SEC14L1: variants seen among roughly 807,000 people sequenced by gnomAD.
SEC14L1 encodes SEC14 like lipid binding 1.
In SEC14L1, 48 loss-of-function variants were observed where a neutral mutation model predicts 85.3. The ratio of observed to expected loss-of-function variants is 0.56; its 90% CI spans 0.45 to 0.72. SEC14L1 has a LOEUF of 0.72. Among genes scored for constraint, SEC14L1 ranks in the 30% least tolerant of loss-of-function variants. The pLI, the probability that SEC14L1 is intolerant of heterozygous loss-of-function variation, is 0.00. For synonymous variants in SEC14L1, 391 were observed against 355.5 expected (o/e 1.10, Z -1.12); for missense variants, 682 against 921.4 (o/e 0.74, Z 3.36).
intron 7 of SEC14L1, among the ~76,000 whole-genome samples, chr17:77,195,563 G>C (rs924017601): frequency 1.3e-5 from 2 of 152,056 alleles, no homozygotes; most frequent in African/African-American, 4.8e-5. Flanking sequence ...TCTCGGCTCA[G>C]TGCAGCCTTC....
intron 3 of SEC14L1, chr17:77,185,143 A>G (rs1209649446): frequency 2.3e-6 from 2 of 854,732 alleles, no homozygotes; most frequent in South Asian, 5.3e-5. Context: ...TTTTTTGGAC[A>G]AGGACTTTGT....
intron 3 of SEC14L1, among the ~76,000 whole-genome samples, chr17:77,122,009 C>T (rs576021021): frequency 6.6e-6 from 1 of 152,296 alleles, no homozygotes; most frequent in Non-Finnish European, 1.5e-5. Context: ...TCAGCAGCAG[C>T]CCACACACTG....
chr17:77,143,785 C>A, intron 3 of SEC14L1, 126 bp downstream of exon 3: 1 of 677,600 alleles, frequency 1.5e-6, no homozygotes, highest in South Asian at 1.9e-5. Flanking sequence ...TGTTTTTATG[C>A]TTATGAACCG....
At chr17:77,136,067 C>CG (rs1567885348), upstream of SEC14L1, among the ~76,000 whole-genome samples, 1 of 151,576 alleles carries the variant, frequency 6.6e-6, no homozygotes, top group Non-Finnish European at 1.5e-5. Context: ...TTAGTAGAGA[C>CG]GGGTTTCATG....
intron 2 of SEC14L1, among the ~76,000 whole-genome samples, chr17:77,090,934 C>T (rs1383210878): frequency 7.0e-6 from 1 of 142,110 alleles, no homozygotes; most frequent in Non-Finnish European, 1.6e-5. Flanking sequence ...GGTGCCACTG[C>T]AGTCCATCCT....
chr17:77,129,481 G>A (rs1001451150), intron 3 of SEC14L1, among the ~76,000 whole-genome samples: 5 of 152,146 alleles, frequency 3.3e-5, no homozygotes, highest in Non-Finnish European at 7.4e-5. Context: ...ACCTTCCCGG[G>A]CAGGGCTGTA....
chr17:77,115,822 C>A (rs920889035), intron 3 of SEC14L1, among the ~76,000 whole-genome samples: 4 of 151,964 alleles, frequency 2.6e-5, no homozygotes, highest in African/African-American at 9.7e-5. Flanking sequence ...CAGGATGAAG[C>A]AAGAAGACCT....
intron 3 of SEC14L1, among the ~76,000 whole-genome samples, chr17:77,164,212 C>G (rs1248666292): frequency 6.6e-6 from 1 of 152,204 alleles, no homozygotes; most frequent in Non-Finnish European, 1.5e-5. Context: ...CCCGAGCAGG[C>G]AGAGCGCCTG....
chr17:77,102,676 G>T (rs954655635), intron 3 of SEC14L1, among the ~76,000 whole-genome samples: 1 of 151,898 alleles, frequency 6.6e-6, no homozygotes, highest in Non-Finnish European at 1.5e-5. Flanking sequence ...GCTAATTTTT[G>T]TATTTTTAGT....
At chr17:77,136,067 C>T (rs561245681), upstream of SEC14L1, among the ~76,000 whole-genome samples, 5 of 151,694 alleles carry the variant, frequency 3.3e-5, no homozygotes, top group South Asian at 2.1e-4. Flanking sequence ...TTAGTAGAGA[C>T]GGGTTTCATG....
intron 3 of SEC14L1, among the ~76,000 whole-genome samples, chr17:77,122,585 G>A (rs969239398): frequency 6.6e-6 from 1 of 152,222 alleles, no homozygotes; most frequent in Admixed American, 6.5e-5. Flanking sequence ...GGGATTACAG[G>A]CATGAAGCAC....
chr17:77,205,833 G>A (rs1224929715), intron 11 of SEC14L1, among the ~76,000 whole-genome samples: 1 of 152,176 alleles, frequency 6.6e-6, no homozygotes. Context: ...CTCTCTCTCT[G>A]TTGAAGCATA....
At chr17:77,203,500 G>A in intron 9 of SEC14L1, 70 bp from the exon 10 acceptor site, 1 of 1,321,138 alleles carries the variant, frequency 7.6e-7, no homozygotes, top group Non-Finnish European at 1.1e-6. Flanking sequence ...TCCTGTTAAG[G>A]GTCTTAGAGT....
At chr17:77,165,183 A>G (rs780883676) in intron 3 of SEC14L1, among the ~76,000 whole-genome samples, 2 of 152,196 alleles carry the variant, frequency 1.3e-5, no homozygotes, top group African/African-American at 2.4e-5. Context: ...TAGCTAATCA[A>G]TGAATTAGAT....
chr17:77,103,324 G>A (rs1274699481), intron 3 of SEC14L1, among the ~76,000 whole-genome samples: 1 of 152,154 alleles, frequency 6.6e-6, no homozygotes, highest in East Asian at 1.9e-4. Context: ...TGTTGGCCAA[G>A]CTGGTCTAGA....
At chr17:77,096,624 G>C (rs1035326742) in intron 3 of SEC14L1, among the ~76,000 whole-genome samples, 1 of 151,978 alleles carries the variant, frequency 6.6e-6, no homozygotes, top group Admixed American at 6.6e-5. Flanking sequence ...GAACAGTTAA[G>C]TCAAGATTTT....
Position 77,213,044 on chromosome 17 carries a change from TGG to T in SEC14L1, c.1864-267_1864-266del, listed in dbSNP as rs1330878122. ...CCTGCCAGGCTCCTGCCTCCGTAGG[TGG>T]GGTGGGCTGGGCAGGCCTCGTGAGG... On this transcript the variant is annotated intron_variant, in intron 15 of 16. Coordinates refer to ENST00000436233, the MANE Select transcript of SEC14L1 (RefSeq NM_001143998.2). The surrounding 1 kb of genome is among the most constrained non-coding windows in gnomAD (Gnocchi z 7.1). 6.6e-6 allele frequency among the ~76,000 whole-genome samples: 1 copy of T among 152,180 alleles called. No homozygotes were observed. The highest frequency in any genetic ancestry group is 1.5e-5 in the Non-Finnish European group (1 of 68,008).
At chr17:77,162,259 C>T (rs1195995387) in intron 3 of SEC14L1, among the ~76,000 whole-genome samples, 2 of 152,298 alleles carry the variant, frequency 1.3e-5, no homozygotes, top group African/African-American at 2.4e-5. Context: ...GACTTAAAGG[C>T]GTTCAGTCAT....
intron 3 of SEC14L1, among the ~76,000 whole-genome samples, chr17:77,156,744 G>T (rs966048300): frequency 6.6e-6 from 1 of 151,920 alleles, no homozygotes; most frequent in South Asian, 2.1e-4. Context: ...GAACATAGTC[G>T]TTTGGTCGGC....
Sources: gnomAD v4.1 joint callset for allele counts (sites outside exome capture counted in the v4.1 genomes callset) on GRCh38, gnomAD v4.1.1 for gene constraint, Gnocchi (gnomAD v3.1) non-coding constraint, MANE v1.5 for transcripts, NCBI Gene and HGNC (gene_info 2026-07-23, HGNC 2026-07-21) for gene names.